Variants in TBC1D22A observed in about 807,000 individuals in gnomAD.
TBC1D22A encodes putative GTPase activator.
Under a neutral mutation model 60.2 loss-of-function variants are expected in TBC1D22A, and 38 were observed. That is an observed-to-expected ratio of 0.63 (90% CI 0.49 to 0.83). TBC1D22A has a LOEUF of 0.83. Among genes scored for constraint, TBC1D22A ranks in the 40% least tolerant of loss-of-function variants. The pLI is 0.00. For synonymous variants in TBC1D22A, 302 were observed against 281.7 expected (o/e 1.07, Z -0.72); for missense variants, 628 against 701.0 (o/e 0.90, Z 1.18).
intron 11 of TBC1D22A, among the ~76,000 whole-genome samples, chr22:47,039,912 AG>A (rs1476099495): frequency 1.5e-4 from 21 of 139,480 alleles, no homozygotes; most frequent in African/African-American, 5.8e-4. Flanking sequence ...AGCAGGAGCA[AG>A]GCGTCGGGGA....
At chr22:46,969,916 G>A (rs1017259548) in intron 8 of TBC1D22A, among the ~76,000 whole-genome samples, 12 of 152,186 alleles carry the variant, frequency 7.9e-5, no homozygotes, top group African/African-American at 1.9e-4. Flanking sequence ...TATTTCAGAT[G>A]GAAACGCGCT....
rs527252417 is a variant in TBC1D22A at position 46,830,260 on chromosome 22, G to C, written c.637+32640G>C. 2.6e-4 allele frequency among the ~76,000 whole-genome samples: 39 copies of C among 152,316 alleles called. No homozygotes were observed. In the East Asian group the frequency reaches 6.4e-3, roughly 25 times the overall value. On this transcript the variant is annotated intron_variant, in intron 4 of 12. Transcript: ENST00000337137. ...CTTTCTGAAGGCTTGTGGTTGCCAG[G>C]CCTGAGAGTGACTGCTCATCGTATG...
intron 1 of TBC1D22A, among the ~76,000 whole-genome samples, chr22:46,783,406 G>T (rs747320912): frequency 6.6e-6 from 1 of 152,168 alleles, no homozygotes; most frequent in Non-Finnish European, 1.5e-5. Flanking sequence ...ACTAGAAAGC[G>T]TTTCAGACAT....
chr22:47,169,186 G>C (rs1172982962), intron 12 of TBC1D22A, among the ~76,000 whole-genome samples: 5 of 152,236 alleles, frequency 3.3e-5, no homozygotes, highest in Non-Finnish European at 5.9e-5. Flanking sequence ...TGCCTGCATG[G>C]TGGTGTGTGA....
intron 8 of TBC1D22A, among the ~76,000 whole-genome samples, chr22:46,923,769 T>G (rs1203247376): frequency 6.6e-6 from 1 of 152,258 alleles, no homozygotes; most frequent in Non-Finnish European, 1.5e-5. Flanking sequence ...TAACATTTTG[T>G]TTCATGTTTT....
At chr22:46,940,287 CA>C (rs1166763584) in intron 8 of TBC1D22A, among the ~76,000 whole-genome samples, 2 of 152,122 alleles carry the variant, frequency 1.3e-5, no homozygotes, top group African/African-American at 4.8e-5. Flanking sequence ...GTAAAAAATG[CA>C]GGATCTGTGA....
At chr22:46,786,057 C>T (rs2084146895) in intron 1 of TBC1D22A, among the ~76,000 whole-genome samples, 1 of 152,248 alleles carries the variant, frequency 6.6e-6, no homozygotes, top group Admixed American at 6.5e-5. Context: ...TGCTGGATTA[C>T]AGGCATGAGC....
At chr22:46,830,737 T>G (rs1001343484) in intron 4 of TBC1D22A, among the ~76,000 whole-genome samples, 6 of 152,252 alleles carry the variant, frequency 3.9e-5, no homozygotes, top group African/African-American at 1.4e-4. Flanking sequence ...GATTTGAATC[T>G]GGGAAGTAAT....
intron 8 of TBC1D22A, among the ~76,000 whole-genome samples, chr22:46,924,560 C>T (rs937139365): frequency 6.6e-5 from 10 of 152,132 alleles, no homozygotes; most frequent in East Asian, 1.9e-4. Flanking sequence ...GCCCGACCAA[C>T]GTGGTGAAAC....
chr22:46,897,515 C>G (rs1158989902), intron 7 of TBC1D22A, among the ~76,000 whole-genome samples: 7 of 151,936 alleles, frequency 4.6e-5, no homozygotes, highest in African/African-American at 1.5e-4. Flanking sequence ...TGGAGGGGAC[C>G]AATCAGAGGT....
intron 12 of TBC1D22A, among the ~76,000 whole-genome samples, chr22:47,115,569 C>T (rs1432069255): frequency 6.6e-6 from 1 of 152,204 alleles, no homozygotes; most frequent in Non-Finnish European, 1.5e-5. Context: ...TTGGTGCCCT[C>T]TACCCCGTCC....
intron 4 of TBC1D22A, among the ~76,000 whole-genome samples, chr22:46,874,062 G>A (rs1465220982): frequency 1.3e-5 from 2 of 152,030 alleles, no homozygotes; most frequent in Non-Finnish European, 2.9e-5. Context: ...GGCCTGCCTC[G>A]GCCTCCCAAA....
rs77190180 is a variant in TBC1D22A at position 46,972,365 on chromosome 22, G to C, written c.1016-1925G>C. ...CCCGCCCACGGGACCGGCTCTCTGT[G>C]TCCACATTACCCCTTGGTGGAGACA... is the stretch of plus-strand genomic sequence containing the variant. On this transcript the variant is annotated intron_variant, in intron 8 of 12. Coordinates refer to ENST00000337137, the MANE Select transcript of TBC1D22A (RefSeq NM_014346.5). Among the ~76,000 whole-genome samples, 282 of 152,304 alleles carry C rather than the reference G, an allele frequency of 1.9e-3. 4 individuals carry two copies. The highest frequency in any genetic ancestry group is 1.4e-3 in the East Asian group (7 of 5,184).
chr22:46,959,117 C>T (rs572990431), intron 8 of TBC1D22A, among the ~76,000 whole-genome samples: 5 of 152,354 alleles, frequency 3.3e-5, no homozygotes, highest in South Asian at 4.1e-4. Flanking sequence ...TGTTGGTTTT[C>T]GCTTTCCTGG....
At chr22:47,107,268 A>G (rs2065670453) in intron 11 of TBC1D22A, among the ~76,000 whole-genome samples, 1 of 152,234 alleles carries the variant, frequency 6.6e-6, no homozygotes, top group Non-Finnish European at 1.5e-5. Flanking sequence ...AAAAAGTAGA[A>G]CAGTTGGAAA....
At chr22:47,087,032 C>G (rs1258939589) in intron 11 of TBC1D22A, among the ~76,000 whole-genome samples, 1 of 152,250 alleles carries the variant, frequency 6.6e-6, no homozygotes, top group Non-Finnish European at 1.5e-5. Flanking sequence ...AATGTGGGTG[C>G]TCCGTCTGCA....
intron 11 of TBC1D22A, among the ~76,000 whole-genome samples, chr22:47,060,516 C>T (rs1603209148): frequency 2.0e-5 from 3 of 151,946 alleles, no homozygotes; most frequent in South Asian, 2.1e-4. Context: ...CTGCAACCTC[C>T]GCTTCCCGGG....
intron 4 of TBC1D22A, among the ~76,000 whole-genome samples, chr22:46,834,664 G>A (rs1356914821): frequency 6.6e-6 from 1 of 152,212 alleles, no homozygotes; most frequent in Non-Finnish European, 1.5e-5. Flanking sequence ...GGGACTGTCA[G>A]TAGTCAGGGC....
intron 8 of TBC1D22A, 152 bp downstream of exon 8, chr22:46,912,340 C>G: frequency 1.8e-6 from 1 of 560,344 alleles, no homozygotes. Flanking sequence ...TCAACAACAG[C>G]TTTCCAAAAT....
Sources: allele counts gnomAD v4.1 joint callset (sites outside exome capture counted in the v4.1 genomes callset), GRCh38; gene constraint gnomAD v4.1.1; transcripts MANE v1.5; gene names NCBI Gene and HGNC (gene_info 2026-07-23, HGNC 2026-07-21).